Variants in RNF123 observed in about 807,000 individuals in gnomAD.
The protein encoded by RNF123 is E3 ubiquitin-protein ligase RNF123.
RNF123 carries 86 observed loss-of-function variants against 168.5 expected under a neutral mutation model. The observed-to-expected ratio is 0.51, with a 90% CI of 0.43 to 0.61. RNF123 has a LOEUF of 0.61. RNF123 is among the 20% of genes least tolerant of loss of function. The pLI is 0.00. For synonymous variants in RNF123, 666 were observed against 689.1 expected (o/e 0.97, Z 0.52); for missense variants, 1,419 against 1,729.7 (o/e 0.82, Z 3.19).
In RNF123 at chr3:49,702,619, C is replaced by T. The variant is rs1474202073; in HGVS notation, c.1630-14C>T. ...GACTGGCACCAATGCATGTTTCATG[C>T]CTGGTGTCCACAGAACATGCCCATG... is the stretch of plus-strand genomic sequence containing the variant. On this transcript the variant is annotated splice_polypyrimidine_tract_variant and intron_variant, in intron 19 of 38. Coordinates refer to ENST00000327697, the MANE Select transcript of RNF123 (RefSeq NM_022064.5). 1 of 1,614,226 alleles carries T rather than the reference C, an allele frequency of 6.2e-7. No individual in the cohort carries two copies. The highest frequency in any genetic ancestry group is 2.2e-5 in the East Asian group (1 of 44,882).
chr3:49,716,313 A>G lies in RNF123; in HGVS notation c.3416-80A>G, dbSNP rs895829375. The G allele has an allele frequency of 1.9e-6, 3 of 1,552,242 alleles. No homozygotes were observed. The African/African-American group carries it at 4.1e-5, about 21-fold the overall frequency. On this transcript the variant is annotated intron_variant, in intron 34 of 38. Coordinates refer to ENST00000327697, the MANE Select transcript of RNF123 (RefSeq NM_022064.5). ...CTGCAGTCTCGGCTCACCCTTCTGT[A>G]GAGAGGGCAGTGGGCAGGCCTGGAG...
At chr3:49,697,764 A>G in intron 5 of RNF123, 121 bp from the exon 6 acceptor site, 2 of 1,189,594 alleles carry the variant, frequency 1.7e-6, no homozygotes, top group Non-Finnish European at 1.2e-6. Flanking sequence ...GGCACAGTGC[A>G]GTGTTGGCCG....
chr3:49,708,812 G>C (rs570913132), intron 26 of RNF123, among the ~76,000 whole-genome samples: 6 of 152,264 alleles, frequency 3.9e-5, no homozygotes, highest in African/African-American at 1.4e-4. Context: ...GGACACTCGG[G>C]TTGCTTCTAC....
chr3:49,699,344 G>A lies in RNF123; in HGVS notation c.765-124G>A, dbSNP rs1474328629. The A allele has an allele frequency of 1.0e-6, 1 of 986,902 alleles. No individual in the cohort carries two copies. The highest frequency in any genetic ancestry group is 2.4e-5 in the Admixed American group (1 of 42,162). 61.1% of individuals were successfully genotyped at this position (986,902 alleles called of 1,614,324 possible). On this transcript the variant is annotated intron_variant, in intron 10 of 38. Coordinates refer to ENST00000327697, the MANE Select transcript of RNF123 (RefSeq NM_022064.5). The surrounding 1 kb of genome is among the most constrained non-coding windows in gnomAD (Gnocchi z 4.8). ...AGCATCCTCCCTAGGGAGAATAAGT[G>A]GGCAAGTTGTGATGCAAACCAGCCC...
At position 49,696,642 on chromosome 3, in the gene RNF123, C is replaced by CTT. The variant is rs35074575; in HGVS notation, c.168-483_168-482dup. Reference sequence around the variant, plus strand: ...ATGAGCCACCGCACCTGGCCACATACTTTTTTTTTTTTTTTTTTTGAGACA... The same window carrying CTT: ...ATGAGCCACCGCACCTGGCCACATACTTTTTTTTTTTTTTTTTTTTTGAGACA... On this transcript the variant is annotated intron_variant, in intron 3 of 38. Coordinates refer to ENST00000327697, the MANE Select transcript of RNF123 (RefSeq NM_022064.5). Among the ~76,000 whole-genome samples, 1,022 of 117,878 alleles carry CTT rather than the reference C, an allele frequency of 8.7e-3. 16 individuals are homozygous for CTT. The highest frequency in any genetic ancestry group is 0.026 in the African/African-American group (793 of 30,950). The allele number at this position is 117,878 out of a possible 152,430, so 77.3% of individuals were successfully genotyped here.
chr3:49,719,627 G>A (rs2080343738), intron 35 of RNF123: 1 of 631,126 alleles, frequency 1.6e-6, no homozygotes, highest in Non-Finnish European at 2.8e-6. Context: ...CCGGTTCCCA[G>A]GTTGTGAGGC....
Position 49,700,361 on chromosome 3 carries a change from C to CCTGACCT in RNF123, c.1110+11_1110+17dup. ...TGTGGCTCTTCATGGAGGTGAGGCT[C>CCTGACCT]CTGACCTCAGGCCTCAGGCCTGGCT... On this transcript the variant is annotated intron_variant, in intron 13 of 38. Transcript: ENST00000327697. The CCTGACCT allele has an allele frequency of 6.2e-7, 1 of 1,614,110 alleles. No homozygotes were observed. Among genetic ancestry groups the CCTGACCT allele is most frequent in the Non-Finnish European group, 8.5e-7 (1 of 1,179,968 alleles).
rs554879370 is a variant in RNF123 at position 49,717,398 on chromosome 3, TTCCTCTTTCTG to T, written c.3500+926_3500+936del. ...CCATTTCACCAGAGGGCGGGCTTGTTTCCTCTTTCTGTCCTGGGGTGTGGGCGAGATCTTCC... is the reference window on the plus strand; with the variant it reads ...CCATTTCACCAGAGGGCGGGCTTGTTTCCTGGGGTGTGGGCGAGATCTTCC... On this transcript the variant is annotated intron_variant, in intron 35 of 38. Transcript: ENST00000327697. The T allele has an allele frequency of 1.1e-4, 18 of 160,730 alleles. No individual in the cohort carries two copies. In the East Asian group the frequency reaches 2.3e-3, roughly 21 times the overall value. The allele number at this position is 160,730 out of a possible 1,614,324, so 10.0% of individuals were successfully genotyped here.
intron 25 of RNF123, 42 bp from the exon 26 acceptor site, chr3:49,706,749 G>A: frequency 6.4e-7 from 1 of 1,559,642 alleles, no homozygotes; most frequent in Non-Finnish European, 8.8e-7. Context: ...ACCTGGGTAT[G>A]GGGCCATGTC....
Position 49,698,829 on chromosome 3 carries a change from T to G in RNF123, c.638+7T>G. On this transcript the variant is annotated splice_region_variant and intron_variant, in intron 9 of 38. Coordinates refer to ENST00000327697, the MANE Select transcript of RNF123 (RefSeq NM_022064.5). ...GCACTCTGTCCTTCTGCCTGTGAGT[T>G]TCCTATCTCTATGCACAGGCCTGGC... 6.2e-7 allele frequency: 1 copy of G among 1,613,884 alleles called. No individual in the cohort carries two copies.
chr3:49,717,545 CCT>C (rs2080272806), intron 35 of RNF123: 1 of 238,912 alleles, frequency 4.2e-6, no homozygotes, highest in African/African-American at 2.3e-5. Flanking sequence ...TGTCTCAGCC[CCT>C]GAGGGTGGAC....
intron 35 of RNF123, 86 bp downstream of exon 35, chr3:49,716,563 T>C: frequency 8.6e-7 from 1 of 1,161,176 alleles, no homozygotes; most frequent in Non-Finnish European, 1.3e-6. Context: ...TACTTCAGTT[T>C]CCTCATCTGG....
In RNF123 at chr3:49,706,061, A is replaced by G. The variant is rs1405286072; in HGVS notation, c.2384A>G (p.Lys795Arg). The part of the protein sequence containing the change: ...DTEDKLRRCP[K>R]RRKDILAELT... ...GAGGACAAGCTCCGCCGGTGCCCCA[A>G]GAGGGTAAGGCCCACATAGTCTTGG... Residue 795 changes from lysine to arginine, a missense_variant, in exon 25 of 39, where the codon AAG (lysine) becomes AGG (arginine). This residue lies in a region of RNF123 where 538 missense variants were observed against 708.8 expected (regional missense o/e 0.76). Transcript: ENST00000327697. 2 of 1,613,944 alleles carry G rather than the reference A, an allele frequency of 1.2e-6. No homozygotes were observed. The highest frequency in any genetic ancestry group is 3.3e-5 in the Admixed American group (2 of 60,010).
chr3:49,701,772 A>G, intron 16 of RNF123, 39 bp from the exon 17 acceptor site: 1 of 1,547,500 alleles, frequency 6.5e-7, no homozygotes, highest in Non-Finnish European at 8.8e-7. Context: ...GCTAGGTCCC[A>G]GGTGACCCTG....
At chr3:49,706,334 C>T (rs989994023) in intron 25 of RNF123, among the ~76,000 whole-genome samples, 15 of 152,224 alleles carry the variant, frequency 9.9e-5, no homozygotes, top group Non-Finnish European at 2.1e-4. Context: ...AGTGCTTCCT[C>T]GGCCACTTGC....
Position 49,697,148 on chromosome 3 carries a change from C to T in RNF123, c.173C>T (p.Pro58Leu), listed in dbSNP as rs769228811. Reference protein sequence around the residue: ...HAPPAATSRKPLNFQNLPEHL... With the variant: ...HAPPAATSRKLLNFQNLPEHL... ...CAGCCTCTCACTCTCCCCAGGAAAC[C>T]CCTGAACTTCCAGAACCTGCCAGAA... Residue 58 changes from proline to leucine, a missense_variant, in exon 4 of 39, where the codon CCC becomes CTC. By Grantham distance (98) the Pro-to-Leu change is moderately conservative (BLOSUM62 -3). Around this residue, in one of 5 missense-constraint regions of RNF123, gnomAD observed 318 missense variants for 446.6 expected, o/e 0.71. Coordinates refer to ENST00000327697, the MANE Select transcript of RNF123 (RefSeq NM_022064.5). 6.2e-7 allele frequency: 1 copy of T among 1,613,998 alleles called. No homozygotes were observed. Among genetic ancestry groups the T allele is most frequent in the Admixed American group, 1.7e-5 (1 of 59,998 alleles).
rs1164541930 is a variant in RNF123 at position 49,720,856 on chromosome 3, C to G, written c.3700C>G (p.Leu1234Val). ...LAQVEQMLAH[L>V]TSASAQAAAA... ...CCAAGTGGAACAGATGCTGGCGCAC[C>G]TGACCTCTGCATCTGCCCAGGCAGC... Residue 1234 changes from leucine to valine, a missense_variant, in exon 37 of 39, where the codon CTG (leucine) becomes GTG (valine). Leu to Val is a conservative substitution (Grantham distance 32, BLOSUM62 1). This residue lies in a region of RNF123 where 164 missense variants were observed against 152.3 expected (regional missense o/e 1.08). Coordinates refer to ENST00000327697, the MANE Select transcript of RNF123 (RefSeq NM_022064.5). 2 of 1,614,042 alleles carry G rather than the reference C, an allele frequency of 1.2e-6. No individual in the cohort carries two copies. Among genetic ancestry groups the G allele is most frequent in the South Asian group, 1.1e-5 (1 of 91,076 alleles).
At position 49,715,581 on chromosome 3, in the gene RNF123, G is replaced by A. The variant is rs747424238; in HGVS notation, c.3017G>A (p.Cys1006Tyr). 6.2e-7 allele frequency: 1 copy of A among 1,613,990 alleles called. No homozygotes were observed. Among genetic ancestry groups the A allele is most frequent in the Non-Finnish European group, 8.5e-7 (1 of 1,179,986 alleles). ...DANLPSLQKP[C>Y]PSTLLQQHMA... is the part of the protein sequence containing the mutation. ...GCCTCCTGTCCCCCTGCAGAGCCCTGCCCTTCCACCCTGCTGCAGCAGCAC... is the reference window on the plus strand; with the variant it reads ...GCCTCCTGTCCCCCTGCAGAGCCCTACCCTTCCACCCTGCTGCAGCAGCAC... Residue 1006 changes from cysteine (C) to tyrosine (Y), a missense_variant, in exon 32 of 39, where the codon TGC becomes TAC. Cys to Tyr is a radical substitution (Grantham distance 194). Coordinates refer to ENST00000327697, the MANE Select transcript of RNF123 (RefSeq NM_022064.5).
chr3:49,706,101 C>T (rs1250121023), intron 25 of RNF123, 36 bp downstream of exon 25: 1 of 1,572,054 alleles, frequency 6.4e-7, no homozygotes, highest in Non-Finnish European at 8.8e-7. Flanking sequence ...GGGCAGCTTG[C>T]TTACTCGTAC....
Sources: allele counts gnomAD v4.1 joint callset (sites outside exome capture counted in the v4.1 genomes callset), GRCh38; gene constraint gnomAD v4.1.1; regional missense constraint gnomAD v4.1.1; non-coding constraint Gnocchi (gnomAD v3.1); transcripts MANE v1.5; gene names NCBI Gene and HGNC (gene_info 2026-07-23, HGNC 2026-07-21).